MAP1A: variants seen among roughly 807,000 people sequenced by gnomAD.
The protein encoded by MAP1A is microtubule associated protein 1A, also known as microtubule-associated protein 1A.
Under a neutral mutation model 185.9 loss-of-function variants are expected in MAP1A, and 42 were observed. That is an observed-to-expected ratio of 0.23 (90% CI 0.18 to 0.29). The LOEUF (loss-of-function observed/expected upper bound fraction) is 0.29, where lower values mean the gene tolerates loss of function less well. Among genes scored for constraint, MAP1A ranks in the 10% least tolerant of loss-of-function variants. The probability of loss-of-function intolerance (pLI) is 1.00; values close to 1 mark genes in which losing one functional copy is unlikely to be tolerated. For missense variants in MAP1A, 2,995 were observed against 3,450.4 expected, an observed-to-expected ratio of 0.87 and a Z score of 3.31; for synonymous variants, 1,229 against 1,335.9, an observed-to-expected ratio of 0.92 and a Z score of 1.74.
In MAP1A at chr15:43,521,740, C is replaced by T. The variant is rs745462356; in HGVS notation, c.267C>T (p.His89=). The T allele has an allele frequency of 5.6e-6, 9 of 1,614,124 alleles. No individual in the cohort carries two copies. In the African/African-American group the frequency reaches 6.7e-5, roughly 12 times the overall value. The change falls in exon 4 of 6, where the codon CAC becomes CAT. Residue 89 remains histidine, a synonymous_variant. Coordinates refer to ENST00000300231, the MANE Select transcript of MAP1A (RefSeq NM_002373.6). This position sits in a 1 kb window ranked among gnomAD's most constrained non-coding sequence, Gnocchi z 4.6. The part of the protein sequence containing the change: ...LDRIDSVLLT[H]IGADNLPGIN... ...GCATTGACTCGGTGCTACTCACACA[C>T]ATTGGGGCAGACAACCTGCCAGGCA...
At chr15:43,518,653 G>A (rs1220939496) in intron 1 of MAP1A, among the ~76,000 whole-genome samples, 2 of 150,504 alleles carry the variant, frequency 1.3e-5, no homozygotes, top group Non-Finnish European at 2.9e-5. Flanking sequence ...CTCCCCTTCT[G>A]CCTCACTGCG....
Position 43,526,284 on chromosome 15 carries a change from T to A in MAP1A, c.4811T>A (p.Val1604Asp). 6.2e-7 allele frequency: 1 copy of A among 1,613,758 alleles called. No individual in the cohort carries two copies. The stretch of plus-strand genomic sequence containing the variant: ...CTAGAGGAAAAATCCCCAGAAAAGG[T>A]CAAGGCCATGGAAGAGAAGTTAGAA... ...KMLEEKSPEK[V>D]KAMEEKLEAL... Residue 1604 changes from valine to aspartate, a missense_variant, in exon 4 of 6, where the codon GTC becomes GAC. By Grantham distance (152) the Val-to-Asp change is radical. Coordinates refer to ENST00000300231, the MANE Select transcript of MAP1A (RefSeq NM_002373.6). This position sits in a 1 kb window ranked among gnomAD's most constrained non-coding sequence, Gnocchi z 4.7.
upstream of MAP1A, among the ~76,000 whole-genome samples, chr15:43,513,145 G>A (rs558858097): frequency 2.6e-3 from 400 of 152,026 alleles, 2 homozygotes; most frequent in Middle Eastern, 0.01. Flanking sequence ...CCTGACCAAC[G>A]GAGAAACCCC....
At chr15:43,520,551 A>G (rs1229258122) in intron 1 of MAP1A, 90 bp from the exon 2 acceptor site, 1 of 863,002 alleles carries the variant, frequency 1.2e-6, no homozygotes, top group Non-Finnish European at 1.9e-6. Flanking sequence ...CTTTCGTCTA[A>G]GCCCCATTTC....
chr15:43,516,096 T>G (rs991757297), upstream of MAP1A, among the ~76,000 whole-genome samples: 2 of 152,272 alleles, frequency 1.3e-5, no homozygotes, highest in Non-Finnish European at 2.9e-5. Flanking sequence ...AGGGAGGAGA[T>G]AGAAGGCTTG....
Position 43,530,485 on chromosome 15 carries a change from A to T in MAP1A, c.*261A>T. ...ATAGGATAGCATCTGATGCCTGAGA[A>T]CCCTCTCCTAGCACTGTCAAATGCT... On this transcript the variant is annotated 3_prime_UTR_variant, in exon 6 of 6. Transcript: ENST00000300231. 2 of 466,642 alleles carry T rather than the reference A, an allele frequency of 4.3e-6. No homozygotes were observed. Among genetic ancestry groups the T allele is most frequent in the Non-Finnish European group, 7.8e-6 (2 of 257,786 alleles). 28.9% of individuals were successfully genotyped at this position (466,642 alleles called of 1,614,324 possible).
chr15:43,522,248 A>C lies in MAP1A; in HGVS notation c.775A>C (p.Thr259Pro), dbSNP rs755693795. 6.2e-7 allele frequency: 1 copy of C among 1,614,224 alleles called. No individual in the cohort carries two copies. The highest frequency in any genetic ancestry group is 8.5e-7 in the Non-Finnish European group (1 of 1,180,034). ...GGTGGTCTGGCTACCAGCCAATCCCACTGAGAAGATTGTGCGTGTGCTTTT... is the reference window on the plus strand; with the variant it reads ...GGTGGTCTGGCTACCAGCCAATCCCCCTGAGAAGATTGTGCGTGTGCTTTT... The part of the protein sequence containing the change: ...ALVVWLPANP[T>P]EKIVRVLFPG... The change falls in exon 4 of 6, where the codon ACT becomes CCT. Residue 259 changes from threonine to proline, a missense_variant. Transcript: ENST00000300231. The surrounding 1 kb of genome is among the most constrained non-coding windows in gnomAD (Gnocchi z 5.9).
At position 43,523,642 on chromosome 15, in the gene MAP1A, C is replaced by G; in HGVS notation, c.2169C>G (p.Thr723=). Residue 723 remains threonine, a synonymous_variant, in exon 4 of 6, where the codon ACC becomes ACG. Coordinates refer to ENST00000300231, the MANE Select transcript of MAP1A (RefSeq NM_002373.6). Reference sequence around the variant, plus strand: ...CCTCGTTATTCCTAAGCAGCCTGACCACACCTGCAGGAGCCACTGAGCATG... The same window carrying G: ...CCTCGTTATTCCTAAGCAGCCTGACGACACCTGCAGGAGCCACTGAGCATG... ...KETSLFLSSL[T]TPAGATEHVS... is the part of the protein sequence containing the mutation. The G allele has an allele frequency of 6.2e-7, 1 of 1,614,056 alleles. No homozygotes were observed. The highest frequency in any genetic ancestry group is 8.5e-7 in the Non-Finnish European group (1 of 1,179,980).
rs752187007 is a variant in MAP1A, at chr15:43,526,625, C to G, written c.5152C>G (p.Arg1718Gly). ...TCACGAGCTGGATGGCCAGGGGGCCCGCCCACACTACACTGAGGAACGGGA... is the reference window on the plus strand; with the variant it reads ...TCACGAGCTGGATGGCCAGGGGGCCGGCCCACACTACACTGAGGAACGGGA... ...FPHELDGQGA[R>G]PHYTEEREST... The change falls in exon 4 of 6, where the codon CGC (arginine) becomes GGC (glycine). Residue 1718 changes from arginine (R) to glycine (G), a missense_variant. Transcript: ENST00000300231. This position sits in a 1 kb window ranked among gnomAD's most constrained non-coding sequence, Gnocchi z 4.7. 6.8e-6 allele frequency: 11 copies of G among 1,614,132 alleles called. 1 individual carries two copies. In the Admixed American group the frequency reaches 1.0e-4, roughly 15 times the overall value.
chr15:43,518,714 C>G (rs542859244), intron 1 of MAP1A, among the ~76,000 whole-genome samples: 16 of 138,504 alleles, frequency 1.2e-4, no homozygotes, highest in East Asian at 8.8e-4. Context: ...GCCCACCCCC[C>G]CCCGCAACTC....
In MAP1A at chr15:43,529,918, A is replaced by G; in HGVS notation, c.8256+48A>G. ...GAAGTAGTCTGGTCAACGCTCACTC[A>G]GAGGCAGTAGTGGAACACAGTCCCT... is the stretch of plus-strand genomic sequence containing the variant. On this transcript the variant is annotated intron_variant, in intron 5 of 5. Coordinates refer to ENST00000300231, the MANE Select transcript of MAP1A (RefSeq NM_002373.6). The surrounding 1 kb of genome is among the most constrained non-coding windows in gnomAD (Gnocchi z 4.3). 2 of 1,585,478 alleles carry G rather than the reference A, an allele frequency of 1.3e-6. No individual in the cohort carries two copies. The highest frequency in any genetic ancestry group is 1.7e-6 in the Non-Finnish European group (2 of 1,159,108).
In MAP1A at chr15:43,528,809, G is replaced by T; in HGVS notation, c.7336G>T (p.Gly2446Trp). ...GCATEPRPHR[G>W]ELSPSFLNPP... ...TGCCACTGAGCCTCGGCCCCATCGTGGGGAGCTCTCCCCATCCTTCCTGAA... is the reference window on the plus strand; with the variant it reads ...TGCCACTGAGCCTCGGCCCCATCGTTGGGAGCTCTCCCCATCCTTCCTGAA... Residue 2446 changes from glycine to tryptophan, a missense_variant, in exon 4 of 6, where the codon GGG (glycine) becomes TGG (tryptophan). Coordinates refer to ENST00000300231, the MANE Select transcript of MAP1A (RefSeq NM_002373.6). 1 of 1,613,500 alleles carries T rather than the reference G, an allele frequency of 6.2e-7. No individual in the cohort carries two copies. The highest frequency in any genetic ancestry group is 8.5e-7 in the Non-Finnish European group (1 of 1,179,948).
At chr15:43,512,726 C>G (rs985858990), upstream of MAP1A, among the ~76,000 whole-genome samples, 1 of 152,160 alleles carries the variant, frequency 6.6e-6, no homozygotes, top group Non-Finnish European at 1.5e-5. Flanking sequence ...TTAGGCTGCA[C>G]AGGTTTCAGG....
At chr15:43,514,110 T>G (rs1026057409), upstream of MAP1A, among the ~76,000 whole-genome samples, 2 of 152,206 alleles carry the variant, frequency 1.3e-5, no homozygotes, top group Non-Finnish European at 2.9e-5. Flanking sequence ...TTCTTAGAAA[T>G]GAGCATTGAT....
rs1310390716 is a variant in MAP1A at position 43,525,823 on chromosome 15, A to C, written c.4350A>C (p.Pro1450=). 1 of 1,581,594 alleles carries C rather than the reference A, an allele frequency of 6.3e-7. No homozygotes were observed. Among genetic ancestry groups the C allele is most frequent in the Non-Finnish European group, 8.6e-7 (1 of 1,166,306 alleles). Residue 1450 remains proline (P), a synonymous_variant, in exon 4 of 6, where the codon CCA becomes CCC. Transcript: ENST00000300231. ...CCCTGGAACAGAAGGATAAGATTCC[A>C]GAAGAGAAAGACAAAGCCTTAGAAC... ...DKALEQKDKI[P]EEKDKALEQK...
At position 43,523,802 on chromosome 15, in the gene MAP1A, G is replaced by C. The variant is rs752885386; in HGVS notation, c.2329G>C (p.Gly777Arg). 6.2e-7 allele frequency: 1 copy of C among 1,614,014 alleles called. No individual in the cohort carries two copies. Among genetic ancestry groups the C allele is most frequent in the Non-Finnish European group, 8.5e-7 (1 of 1,180,012 alleles). The change falls in exon 4 of 6, where the codon GGG becomes CGG. Residue 777 changes from glycine (G) to arginine (R), a missense_variant. Physicochemically the swap from Gly to Arg is moderately radical, Grantham distance 125. This residue lies in a region of MAP1A where 2,728 missense variants were observed against 2,986.0 expected (regional missense o/e 0.91). Transcript: ENST00000300231. ...RFHTSTYDLP[G>R]PEGAGPFEAS... ...TCATACAAGTACATATGACCTGCCC[G>C]GGCCTGAAGGTGCTGGCCCATTCGA...
chr15:43,511,057 C>T, exon 1 of MAP1A: 7 of 1,549,264 alleles, frequency 4.5e-6, no homozygotes, highest in Non-Finnish European at 6.1e-6. Context: ...GGCTGGGGCT[C>T]CGAAGTCCCG....
rs1276488942 is a variant in MAP1A at position 43,522,547 on chromosome 15, G to A, written c.1074G>A (p.Lys358=). ...ARSELAKELA[K]TEKKAKESSE... is the part of the protein sequence containing the mutation. Reference sequence around the variant, plus strand: ...CAGAGCTGGCCAAGGAGTTAGCCAAGACAGAGAAGAAGGCAAAAGAGTCAT... The same window carrying A: ...CAGAGCTGGCCAAGGAGTTAGCCAAAACAGAGAAGAAGGCAAAAGAGTCAT... Residue 358 remains lysine, a synonymous_variant, in exon 4 of 6, where the codon AAG becomes AAA. Transcript: ENST00000300231. The surrounding 1 kb of genome is among the most constrained non-coding windows in gnomAD (Gnocchi z 5.9). The A allele has an allele frequency of 6.2e-7, 1 of 1,611,772 alleles. No homozygotes were observed. The highest frequency in any genetic ancestry group is 2.2e-5 in the East Asian group (1 of 44,836).
exon 1 of MAP1A, chr15:43,511,203 C>A: frequency 1.3e-6 from 2 of 1,550,504 alleles, no homozygotes; most frequent in Non-Finnish European, 1.7e-6. Flanking sequence ...CAGCTGAGGG[C>A]CGTGCGGGCC....
Sources: gnomAD v4.1 joint callset for allele counts (sites outside exome capture counted in the v4.1 genomes callset) on GRCh38, gnomAD v4.1.1 for gene constraint, gnomAD v4.1.1 regional missense constraint, Gnocchi (gnomAD v3.1) non-coding constraint, MANE v1.5 for transcripts, NCBI Gene and HGNC (gene_info 2026-07-23, HGNC 2026-07-21) for gene names.